Variants in PAPOLA observed in about 807,000 individuals in gnomAD.
The protein encoded by PAPOLA is poly(A) polymerase alpha.
PAPOLA carries 15 observed loss-of-function variants against 100.6 expected under a neutral mutation model. That is an observed-to-expected ratio of 0.15 (90% CI 0.10 to 0.23). The LOEUF is 0.23. PAPOLA is among the 10% of genes least tolerant of loss of function. The pLI, the probability that PAPOLA is intolerant of heterozygous loss-of-function variation, is 1.00. For synonymous variants in PAPOLA, 293 were observed against 300.0 expected, an observed-to-expected ratio of 0.98 and a Z score of 0.24; for missense variants, 533 against 884.2, an observed-to-expected ratio of 0.60 and a Z score of 5.04.
chr14:96,509,171 A>G (rs1340191557), intron 1 of PAPOLA, among the ~76,000 whole-genome samples: 1 of 152,164 alleles, frequency 6.6e-6, no homozygotes, highest in Non-Finnish European at 1.5e-5. Context: ...ATCTGGGACT[A>G]CAGGCACGCA....
chr14:96,523,493 T>C (rs1472220282), intron 3 of PAPOLA, among the ~76,000 whole-genome samples: 1 of 152,212 alleles, frequency 6.6e-6, no homozygotes, highest in Non-Finnish European at 1.5e-5. Context: ...TAGAGAAGTC[T>C]GTGGACCAGT....
At chr14:96,557,653 T>C (rs1048900883) in intron 19 of PAPOLA, among the ~76,000 whole-genome samples, 14 of 151,746 alleles carry the variant, frequency 9.2e-5, no homozygotes, top group African/African-American at 3.4e-4. Flanking sequence ...CCCCTCTAGA[T>C]TTCTCATGGA....
intron 10 of PAPOLA, chr14:96,535,341 T>C: frequency 1.0e-6 from 1 of 984,874 alleles, no homozygotes; most frequent in Non-Finnish European, 1.2e-6. Context: ...TTTGTGGAAA[T>C]GTGCCACTTA....
At chr14:96,539,386 C>CTT (rs1899794342) in intron 12 of PAPOLA, among the ~76,000 whole-genome samples, 1 of 152,026 alleles carries the variant, frequency 6.6e-6, no homozygotes, top group Non-Finnish European at 1.5e-5. Context: ...TATTGTACAT[C>CTT]TGAGTTATGA....
intron 1 of PAPOLA, among the ~76,000 whole-genome samples, chr14:96,512,945 C>T (rs1566833745): frequency 6.6e-6 from 1 of 152,176 alleles, no homozygotes; most frequent in Non-Finnish European, 1.5e-5. Context: ...CTGGGATAGA[C>T]ACTGCTCATT....
intron 1 of PAPOLA, among the ~76,000 whole-genome samples, chr14:96,510,537 A>G: frequency 6.6e-6 from 1 of 152,200 alleles, no homozygotes; most frequent in East Asian, 1.9e-4. Context: ...AGTGAGGAAA[A>G]ATAACTTGGC....
At chr14:96,528,159 T>C (rs1279071045) in intron 6 of PAPOLA, among the ~76,000 whole-genome samples, 153 bp downstream of exon 6, 1 of 152,260 alleles carries the variant, frequency 6.6e-6, no homozygotes, top group Non-Finnish European at 1.5e-5. Flanking sequence ...CTGCCTATTC[T>C]TGTAGAATAT....
intron 17 of PAPOLA, among the ~76,000 whole-genome samples, chr14:96,554,265 A>G (rs1356296264): frequency 6.6e-6 from 1 of 152,254 alleles, no homozygotes; most frequent in East Asian, 1.9e-4. Context: ...GCACCTTGCT[A>G]GCCATTTCAG....
intron 3 of PAPOLA, among the ~76,000 whole-genome samples, chr14:96,522,736 T>C (rs1291180050): frequency 6.6e-6 from 1 of 152,222 alleles, no homozygotes; most frequent in Non-Finnish European, 1.5e-5. Context: ...TTATGAATAC[T>C]CATACATACA....
At chr14:96,532,713 A>G (rs1899142756) in intron 9 of PAPOLA, 64 bp downstream of exon 9, 3 of 1,479,462 alleles carry the variant, frequency 2.0e-6, no homozygotes, top group Non-Finnish European at 1.8e-6. Flanking sequence ...TCTTATTTCT[A>G]TGACATTTCT....
chr14:96,505,001 A>G (rs1896612774), intron 1 of PAPOLA, among the ~76,000 whole-genome samples: 2 of 152,216 alleles, frequency 1.3e-5, no homozygotes, highest in African/African-American at 4.8e-5. Flanking sequence ...AGGATATTAC[A>G]GAACATTTTG....
chr14:96,564,534 C>T (rs945026422), intron 21 of PAPOLA, among the ~76,000 whole-genome samples: 4 of 152,034 alleles, frequency 2.6e-5, no homozygotes, highest in African/African-American at 9.7e-5. Flanking sequence ...AATAAATTTA[C>T]TGCTGCTTCT....
At chr14:96,513,235 A>AT (rs1282137617) in intron 1 of PAPOLA, among the ~76,000 whole-genome samples, 1 of 151,922 alleles carries the variant, frequency 6.6e-6, no homozygotes, top group Non-Finnish European at 1.5e-5. Flanking sequence ...CAGCTGGCTA[A>AT]TTTTTAAACT....
At chr14:96,523,162 A>G (rs1205168629) in intron 3 of PAPOLA, among the ~76,000 whole-genome samples, 4 of 152,104 alleles carry the variant, frequency 2.6e-5, no homozygotes, top group African/African-American at 9.7e-5. Context: ...TTTGACATCT[A>G]ATACTCTTCA....
Position 96,566,459 on chromosome 14 carries a change from GA to G in PAPOLA, c.*1410del, listed in dbSNP as rs1247774283. The G allele has an allele frequency of 6.6e-6, 1 of 152,510 alleles. No homozygotes were observed. The highest frequency in any genetic ancestry group is 1.5e-5 in the Non-Finnish European group (1 of 68,002). The allele number at this position is 152,510 out of a possible 1,614,324, so 9.4% of individuals were successfully genotyped here. A position where few individuals can be genotyped will look rare whatever the true frequency, so the allele number is the denominator to read the frequency against. On this transcript the variant is annotated 3_prime_UTR_variant, in exon 22 of 22. Coordinates refer to ENST00000216277, the MANE Select transcript of PAPOLA (RefSeq NM_032632.5). ...CAAAGTCGACTTAACAGATTTTTCT[GA>G]TGAGCATGTTTTATGAATCCTCCAT...
intron 5 of PAPOLA, 44 bp downstream of exon 5, chr14:96,527,583 C>A (rs781322104): frequency 2.9e-6 from 3 of 1,027,900 alleles, no homozygotes; most frequent in South Asian, 1.3e-5. Flanking sequence ...TATGAACATT[C>A]ATTTAGTCAG....
rs752538537 is a variant in PAPOLA at position 96,555,891 on chromosome 14, A to G, written c.1709A>G (p.Asn570Ser). The part of the protein sequence containing the change: ...APAVTAASVT[N>S]IQATEVSVPQ... The stretch of plus-strand genomic sequence containing the variant: ...GCTGTAACAGCAGCATCTGTGACCA[A>G]CATACAGGCTACTGAAGTTTCTGTG... The change falls in exon 18 of 22, where the codon AAC becomes AGC. Residue 570 changes from asparagine (N) to serine (S), a missense_variant. Transcript: ENST00000216277. 7.4e-6 allele frequency: 12 copies of G among 1,612,018 alleles called. No individual in the cohort carries two copies. Among genetic ancestry groups the G allele is most frequent in the South Asian group, 2.2e-5 (2 of 90,994 alleles).
chr14:96,504,128 T>C (rs1223074631), intron 1 of PAPOLA, among the ~76,000 whole-genome samples: 5 of 152,216 alleles, frequency 3.3e-5, no homozygotes, highest in African/African-American at 9.7e-5. Context: ...AGATAAATGT[T>C]TGCAGTGATG....
intron 1 of PAPOLA, among the ~76,000 whole-genome samples, chr14:96,516,427 C>G (rs1377584177): frequency 1.4e-5 from 2 of 140,362 alleles, no homozygotes; most frequent in African/African-American, 5.1e-5. Context: ...CTATCTCAAA[C>G]TCCTGGGCTC....
Sources: gnomAD v4.1 joint callset for allele counts (sites outside exome capture counted in the v4.1 genomes callset) on GRCh38, gnomAD v4.1.1 for gene constraint, MANE v1.5 for transcripts, NCBI Gene and HGNC (gene_info 2026-07-23, HGNC 2026-07-21) for gene names.